Variants in RASSF8 observed in about 807,000 individuals in gnomAD.
The protein encoded by RASSF8 is ras association domain-containing protein 8.
In RASSF8, 22 loss-of-function variants were observed where a neutral mutation model predicts 48.5. The ratio of observed to expected loss-of-function variants is 0.45; its 90% CI spans 0.32 to 0.65. The LOEUF is 0.65. RASSF8 is among the 30% of genes least tolerant of loss of function. The pLI is 0.03. For missense variants in RASSF8, 418 were observed against 489.2 expected (o/e 0.85, Z 1.37); for synonymous variants, 127 against 171.5 (o/e 0.74, Z 2.03).
chr12:26,033,246 G>A (rs1943065465), intron 2 of RASSF8, among the ~76,000 whole-genome samples: 1 of 152,152 alleles, frequency 6.6e-6, no homozygotes, highest in Non-Finnish European at 1.5e-5. Flanking sequence ...CCATTTCAAG[G>A]TATGCTGGAG....
At chr12:25,994,507 A>G (rs1942087437) in intron 1 of RASSF8, among the ~76,000 whole-genome samples, 1 of 152,206 alleles carries the variant, frequency 6.6e-6, no homozygotes, top group South Asian at 2.1e-4. Context: ...GTCAAAAGAA[A>G]TGGTGCCAAG....
chr12:26,024,320 C>A (rs1281593993), intron 2 of RASSF8, among the ~76,000 whole-genome samples: 1 of 152,112 alleles, frequency 6.6e-6, no homozygotes, highest in Non-Finnish European at 1.5e-5. Context: ...ATTTCTGTAT[C>A]TCATTGGAAT....
rs1180974956 is a variant in RASSF8 at position 26,072,343 on chromosome 12, AG to A, written c.*3526del. On this transcript the variant is annotated 3_prime_UTR_variant, in exon 6 of 6. Transcript: ENST00000689635. ...AAGACAAAACAATCACTATTTATTC[AG>A]TATTGCTGCTTTACATCTCCAGAAT... is the stretch of plus-strand genomic sequence containing the variant. 3 of 985,302 alleles carry A rather than the reference AG, an allele frequency of 3.0e-6. No homozygotes were observed. The African/African-American group carries it at 5.2e-5, about 17-fold the overall frequency. The allele number at this position is 985,302 out of a possible 1,614,324, so 61.0% of individuals were successfully genotyped here.
chr12:25,973,472 G>C (rs1474150699), intron 1 of RASSF8, among the ~76,000 whole-genome samples: 1 of 152,178 alleles, frequency 6.6e-6, no homozygotes, highest in Non-Finnish European at 1.5e-5. Context: ...TCAGCTGGAT[G>C]TGATGGTATC....
chr12:26,002,739 C>G (rs1942291964), intron 2 of RASSF8, among the ~76,000 whole-genome samples: 1 of 152,196 alleles, frequency 6.6e-6, no homozygotes, highest in Non-Finnish European at 1.5e-5. Flanking sequence ...CATGCTTGAT[C>G]TCTTGGATGT....
At chr12:26,015,428 T>C (rs1266709343) in intron 2 of RASSF8, among the ~76,000 whole-genome samples, 2 of 152,190 alleles carry the variant, frequency 1.3e-5, no homozygotes, top group Non-Finnish European at 2.9e-5. Context: ...CTCTCTTCAG[T>C]TTTCTCCTCT....
chr12:26,065,220 A>G lies in RASSF8; in HGVS notation c.826A>G (p.Lys276Glu), dbSNP rs1314500391. ...TATGGAAAGTGGTCTTGAAGCAGAA[A>G]AATTGCAACGGGAAGTTCAAGAGGC... ...RTMESGLEAE[K>E]LQREVQEAQV... The change falls in exon 4 of 6, where the codon AAA (lysine) becomes GAA (glutamate). Residue 276 changes from lysine (K) to glutamate (E), a missense_variant. Physicochemically the swap from Lys to Glu is moderately conservative, Grantham distance 56. Coordinates refer to ENST00000689635, the MANE Select transcript of RASSF8 (RefSeq NM_001394098.1). The G allele has an allele frequency of 6.2e-7, 1 of 1,614,080 alleles. No homozygotes were observed. Among genetic ancestry groups the G allele is most frequent in the Non-Finnish European group, 8.5e-7 (1 of 1,180,038 alleles).
At chr12:26,058,841 G>T (rs1015298054) in intron 3 of RASSF8, among the ~76,000 whole-genome samples, 1 of 152,170 alleles carries the variant, frequency 6.6e-6, no homozygotes. Context: ...TTAGATTTAG[G>T]TGATGGATGT....
At chr12:26,056,445 C>T (rs1565640824) in intron 3 of RASSF8, among the ~76,000 whole-genome samples, 1 of 152,158 alleles carries the variant, frequency 6.6e-6, no homozygotes, top group Non-Finnish European at 1.5e-5. Context: ...GCTGTGTGGC[C>T]AGCACCATGC....
rs183828680 is a variant in RASSF8 at position 26,030,461 on chromosome 12, G to A, written c.-108-24775G>A. Reference sequence around the variant, plus strand: ...GATGACTTTTTAAAACCACTTGTCCGGATAAGATGGATTCTATTCCTTTTA... The same window carrying A: ...GATGACTTTTTAAAACCACTTGTCCAGATAAGATGGATTCTATTCCTTTTA... On this transcript the variant is annotated intron_variant, in intron 2 of 5. Coordinates refer to ENST00000689635, the MANE Select transcript of RASSF8 (RefSeq NM_001394098.1). Among the ~76,000 whole-genome samples the A allele has an allele frequency of 2.2e-3, 337 of 152,194 alleles. 2 individuals carry two copies. Among genetic ancestry groups the A allele is most frequent in the Middle Eastern group, 3.4e-3 (1 of 294 alleles).
At chr12:25,981,516 GA>G (rs1941743885) in intron 1 of RASSF8, among the ~76,000 whole-genome samples, 1 of 152,148 alleles carries the variant, frequency 6.6e-6, no homozygotes, top group South Asian at 2.1e-4. Flanking sequence ...CCCTAACTTG[GA>G]ATATTCAGGT....
At chr12:26,015,998 A>G (rs1047200701) in intron 2 of RASSF8, among the ~76,000 whole-genome samples, 1 of 152,114 alleles carries the variant, frequency 6.6e-6, no homozygotes, top group Non-Finnish European at 1.5e-5. Context: ...TTGTTACCAA[A>G]TCACTAATTA....
At chr12:25,964,885 T>G (rs984243260) in intron 1 of RASSF8, among the ~76,000 whole-genome samples, 1 of 152,198 alleles carries the variant, frequency 6.6e-6, no homozygotes, top group African/African-American at 2.4e-5. Flanking sequence ...TATTTTTTCT[T>G]TTTAGTGTAT....
intron 2 of RASSF8, among the ~76,000 whole-genome samples, chr12:26,031,333 AAC>A (rs1943026261): frequency 6.6e-6 from 1 of 152,054 alleles, no homozygotes; most frequent in African/African-American, 2.4e-5. Context: ...TTTTTTTCTA[AAC>A]ACTGCCATTT....
intron 1 of RASSF8, among the ~76,000 whole-genome samples, chr12:25,969,485 G>A (rs1941434469): frequency 6.6e-6 from 1 of 152,158 alleles, no homozygotes; most frequent in African/African-American, 2.4e-5. Context: ...TCACTCTGCT[G>A]TTATATGGAA....
Position 26,055,466 on chromosome 12 carries a change from A to G in RASSF8, c.103+20A>G, listed in dbSNP as rs754315379. On this transcript the variant is annotated intron_variant, in intron 3 of 5. Transcript: ENST00000689635. ...CAATAGGTGAGTGAACTCTGTGGGT[A>G]TCTGAGAAAAGTACATTGTGCTTTC... is the stretch of plus-strand genomic sequence containing the variant. 1.3e-6 allele frequency: 2 copies of G among 1,569,844 alleles called. No homozygotes were observed. Among genetic ancestry groups the G allele is most frequent in the South Asian group, 2.2e-5 (2 of 90,076 alleles).
chr12:26,026,412 C>G (rs1457513170), intron 2 of RASSF8, among the ~76,000 whole-genome samples: 1 of 152,112 alleles, frequency 6.6e-6, no homozygotes, highest in Non-Finnish European at 1.5e-5. Flanking sequence ...TGATTTCATA[C>G]TAAGTTGGCT....
chr12:25,963,797 C>G (rs529900679), intron 1 of RASSF8, among the ~76,000 whole-genome samples: 1 of 152,256 alleles, frequency 6.6e-6, no homozygotes, highest in East Asian at 1.9e-4. Flanking sequence ...GTTGGGTGCT[C>G]TCGAAGAGGA....
rs376918162 is a variant in RASSF8, at chr12:26,051,383, A to G, written c.-108-3853A>G. 7.9e-5 allele frequency among the ~76,000 whole-genome samples: 12 copies of G among 152,342 alleles called. 1 individual carries two copies. Among genetic ancestry groups the G allele is most frequent in the African/African-American group, 2.6e-4 (11 of 41,580 alleles). ...AGAAGAAAGAGCATGAGCTTATTCA[A>G]TTTAATAATGAATATTCCTGTTAGT... On this transcript the variant is annotated intron_variant, in intron 2 of 5. Coordinates refer to ENST00000689635, the MANE Select transcript of RASSF8 (RefSeq NM_001394098.1).
Sources: gnomAD v4.1 joint callset for allele counts (sites outside exome capture counted in the v4.1 genomes callset) on GRCh38, gnomAD v4.1.1 for gene constraint, MANE v1.5 for transcripts, NCBI Gene and HGNC (gene_info 2026-07-23, HGNC 2026-07-21) for gene names.